Variants in UBE2H observed in about 807,000 individuals in gnomAD.
UBE2H encodes the protein ubiquitin-conjugating enzyme E2 H.
UBE2H carries 3 observed loss-of-function variants against 29.0 expected under a neutral mutation model. That is an observed-to-expected ratio of 0.10 (90% CI 0.05 to 0.27). The LOEUF (loss-of-function observed/expected upper bound fraction) is 0.27, where lower values mean the gene tolerates loss of function less well. Ranked by LOEUF, UBE2H falls within the 10% of genes least tolerant of loss-of-function variation. UBE2H has a pLI of 1.00. For missense variants in UBE2H, 68 were observed against 228.2 expected, an observed-to-expected ratio of 0.30 and a Z score of 4.52; for synonymous variants, 69 against 82.9, an observed-to-expected ratio of 0.83 and a Z score of 0.91.
At chr7:129,865,125 A>G (rs888272758) in intron 3 of UBE2H, 1 of 400,818 alleles carries the variant, frequency 2.5e-6, no homozygotes, top group African/African-American at 2.1e-5. Context: ...CTTAAAAAAT[A>G]AAAAGTACAG....
chr7:129,872,095 A>G (rs901072224), intron 3 of UBE2H, among the ~76,000 whole-genome samples: 1 of 151,844 alleles, frequency 6.6e-6, no homozygotes, highest in Non-Finnish European at 1.5e-5. Flanking sequence ...CCTCAAGTGA[A>G]CCTCCTGCCT....
At chr7:129,846,824 T>G (rs984687786) in intron 5 of UBE2H, among the ~76,000 whole-genome samples, 10 of 152,112 alleles carry the variant, frequency 6.6e-5, no homozygotes, top group African/African-American at 2.4e-4. Flanking sequence ...CAATCCCACT[T>G]ACCCCATCCC....
chr7:129,940,627 G>A (rs1190361098), intron 1 of UBE2H, among the ~76,000 whole-genome samples: 2 of 152,086 alleles, frequency 1.3e-5, no homozygotes, highest in African/African-American at 4.8e-5. Context: ...GCAGGGAGAG[G>A]CAAAAAGGAT....
intron 1 of UBE2H, among the ~76,000 whole-genome samples, chr7:129,930,333 G>C (rs1180165246): frequency 6.6e-6 from 1 of 151,838 alleles, no homozygotes; most frequent in African/African-American, 2.4e-5. Flanking sequence ...AGCTAATTTT[G>C]TATTTTTAGT....
intron 1 of UBE2H, among the ~76,000 whole-genome samples, chr7:129,949,860 G>A (rs768652043): frequency 1.5e-4 from 23 of 152,156 alleles, no homozygotes; most frequent in Non-Finnish European, 2.6e-4. Flanking sequence ...ACAGGAGACT[G>A]CAAGGAAACC....
intron 1 of UBE2H, among the ~76,000 whole-genome samples, chr7:129,923,864 T>TA (rs2116475880): frequency 6.6e-6 from 1 of 152,252 alleles, no homozygotes; most frequent in East Asian, 1.9e-4. Flanking sequence ...AACAAATAGA[T>TA]ACTCTCACTC....
intron 1 of UBE2H, among the ~76,000 whole-genome samples, chr7:129,921,159 A>G (rs1040083374): frequency 6.6e-5 from 10 of 152,158 alleles, no homozygotes; most frequent in African/African-American, 2.4e-4. Context: ...TGCAGCAGGT[A>G]CCATTATTTT....
chr7:129,950,296 T>A (rs909045158), intron 1 of UBE2H, among the ~76,000 whole-genome samples: 7 of 152,160 alleles, frequency 4.6e-5, no homozygotes, highest in Admixed American at 1.3e-4. Context: ...CTTTCTTTTG[T>A]CAGAAAGGAA....
At chr7:129,867,810 TG>T (rs1805945317) in intron 3 of UBE2H, among the ~76,000 whole-genome samples, 1 of 149,066 alleles carries the variant, frequency 6.7e-6, no homozygotes, top group Non-Finnish European at 1.5e-5. Flanking sequence ...TGACTGCATT[TG>T]GTATAGTTAA....
rs78301875 is a variant in UBE2H at position 129,920,902 on chromosome 7, G to C, written c.53+31601C>G. 7.8e-3 allele frequency among the ~76,000 whole-genome samples: 1,166 copies of C among 149,204 alleles called. 15 individuals carry two copies. The highest frequency in any genetic ancestry group is 0.027 in the African/African-American group (1,100 of 40,618). ...TTTAAAATGTCCTGGTGTTGGCCGG[G>C]CACAGTGGCTCACTGTTTAGGTGGT... is the stretch of plus-strand genomic sequence containing the variant. On this transcript the variant is annotated intron_variant, in intron 1 of 6. Transcript: ENST00000355621.
chr7:129,905,343 T>C (rs773770731), intron 1 of UBE2H, among the ~76,000 whole-genome samples: 23 of 152,062 alleles, frequency 1.5e-4, no homozygotes, highest in Non-Finnish European at 3.4e-4. Context: ...ATTATACATT[T>C]GATTCATCTC....
intron 3 of UBE2H, among the ~76,000 whole-genome samples, chr7:129,866,825 C>T (rs1481553943): frequency 6.6e-6 from 1 of 152,184 alleles, no homozygotes; most frequent in Non-Finnish European, 1.5e-5. Flanking sequence ...ATCTCTTTGC[C>T]TTTCTGTTCC....
chr7:129,925,673 A>G (rs1421515977), intron 1 of UBE2H, among the ~76,000 whole-genome samples: 1 of 152,148 alleles, frequency 6.6e-6, no homozygotes, highest in Non-Finnish European at 1.5e-5. Context: ...AGGGAGGGAC[A>G]CTCAGAAAAG....
At chr7:129,891,888 A>AGTGTGTGT (rs35586367) in intron 1 of UBE2H, among the ~76,000 whole-genome samples, 21 of 150,154 alleles carry the variant, frequency 1.4e-4, no homozygotes, top group Non-Finnish European at 2.5e-4. Context: ...TTATAAATGT[A>AGTGTGTGT]GTGTGTGTGT....
intron 1 of UBE2H, among the ~76,000 whole-genome samples, chr7:129,925,624 A>G (rs1807251054): frequency 6.6e-6 from 1 of 152,180 alleles, no homozygotes; most frequent in African/African-American, 2.4e-5. Context: ...CTTTCTTGCA[A>G]CGAGACACTT....
chr7:129,879,661 T>C lies in UBE2H; in HGVS notation c.131-19A>G. On this transcript the variant is annotated intron_variant, in intron 2 of 6. Coordinates refer to ENST00000355621, the MANE Select transcript of UBE2H (RefSeq NM_003344.4). ...TATGGTGCTGAAATAAAAGTAAAAA[T>C]GTTCATCAGAACTACATCTCCAAAT... 6.2e-7 allele frequency: 1 copy of C among 1,600,652 alleles called. No individual in the cohort carries two copies. Among genetic ancestry groups the C allele is most frequent in the Non-Finnish European group, 8.5e-7 (1 of 1,170,662 alleles).
At chr7:129,914,232 A>G (rs1174567339) in intron 1 of UBE2H, among the ~76,000 whole-genome samples, 1 of 151,780 alleles carries the variant, frequency 6.6e-6, no homozygotes, top group Non-Finnish European at 1.5e-5. Flanking sequence ...CAGAGGTGCA[A>G]TTTTGGCTCA....
chr7:129,910,136 C>A (rs1439881483), intron 1 of UBE2H, among the ~76,000 whole-genome samples: 3 of 151,984 alleles, frequency 2.0e-5, no homozygotes, highest in Non-Finnish European at 4.4e-5. Flanking sequence ...CGAGACCAGT[C>A]TGGCCAACAT....
chr7:129,895,257 C>T (rs917491382), intron 1 of UBE2H, among the ~76,000 whole-genome samples: 1 of 152,022 alleles, frequency 6.6e-6, no homozygotes, highest in African/African-American at 2.4e-5. Context: ...CACATGGGGG[C>T]TATGGCATGA....
Sources: gnomAD v4.1 joint callset for allele counts (sites outside exome capture counted in the v4.1 genomes callset) on GRCh38, gnomAD v4.1.1 for gene constraint, MANE v1.5 for transcripts, NCBI Gene and HGNC (gene_info 2026-07-23, HGNC 2026-07-21) for gene names.